EPB41L3: variants seen among roughly 807,000 people sequenced by gnomAD.
The protein encoded by EPB41L3 is erythrocyte membrane protein band 4.1 like 3, also known as band 4.1-like protein 3.
Under a neutral mutation model 127.1 loss-of-function variants are expected in EPB41L3, and 57 were observed. The observed-to-expected ratio is 0.45, with a 90% confidence interval of 0.36 to 0.56. EPB41L3 has a LOEUF of 0.56. EPB41L3 is among the 20% of genes least tolerant of loss of function. EPB41L3 has a pLI of 0.00. For missense variants in EPB41L3, 1,273 were observed against 1,372.2 expected, an observed-to-expected ratio of 0.93 and a Z score of 1.14; for synonymous variants, 572 against 549.5, an observed-to-expected ratio of 1.04 and a Z score of -0.57.
At position 5,397,460 on chromosome 18, in the gene EPB41L3, C is replaced by G. The variant is rs181631569; in HGVS notation, c.2473-34G>C. On this transcript the variant is annotated intron_variant, in intron 17 of 22. Transcript: ENST00000341928. This position sits in a 1 kb window ranked among gnomAD's most constrained non-coding sequence, Gnocchi z 4.1. ...GAAGAGATTGTGGCATCAGTGTGAC[C>G]ATCCATAAACCAAAGGTCAGAAAAT... The G allele has an allele frequency of 2.1e-3, 3,270 of 1,562,444 alleles. 10 individuals are homozygous for G. The highest frequency in any genetic ancestry group is 3.4e-3 in the Middle Eastern group (17 of 5,032).
intron 1 of EPB41L3, among the ~76,000 whole-genome samples, chr18:5,501,323 T>C (rs1568436335): frequency 6.6e-6 from 1 of 151,988 alleles, no homozygotes; most frequent in Non-Finnish European, 1.5e-5. Flanking sequence ...CAGCTTCATT[T>C]AACCTAAATG....
chr18:5,466,074 C>G (rs763989804), intron 3 of EPB41L3, among the ~76,000 whole-genome samples: 9 of 152,048 alleles, frequency 5.9e-5, no homozygotes, highest in Non-Finnish European at 1.2e-4. Context: ...CCATTTCCCA[C>G]TGAATTATGT....
chr18:5,550,758 T>A (rs1186071141), intron 3 of EPB41L3, among the ~76,000 whole-genome samples: 1 of 152,224 alleles, frequency 6.6e-6, no homozygotes, highest in Non-Finnish European at 1.5e-5. Context: ...TTTGCCACTC[T>A]GGAACCAGGG....
rs548448511 is a variant in EPB41L3 at position 5,395,185 on chromosome 18, C to G, written c.3073-38G>C. On this transcript the variant is annotated intron_variant, in intron 20 of 22. Coordinates refer to ENST00000341928, the MANE Select transcript of EPB41L3 (RefSeq NM_012307.5). ...TAGAGAAGCTTTATGAATTTACTCA[C>G]TGGGAGAAACCATCATGGTTCAGTA... 4.0e-5 allele frequency: 62 copies of G among 1,561,142 alleles called. No homozygotes were observed. In the South Asian group the frequency reaches 6.1e-4, roughly 15 times the overall value.
intron 1 of EPB41L3, among the ~76,000 whole-genome samples, chr18:5,499,829 G>GTGTGTATATATATTTATATATATATATA (rs563662904): frequency 8.0e-6 from 1 of 124,618 alleles, no homozygotes; most frequent in Non-Finnish European, 1.7e-5. Flanking sequence ...CTATGTGTGT[G>GTGTGTATATATATTTATATATATATATA]TATATATATA....
At chr18:5,613,879 T>C (rs1024356786) in intron 2 of EPB41L3, among the ~76,000 whole-genome samples, 1 of 152,252 alleles carries the variant, frequency 6.6e-6, no homozygotes, top group Non-Finnish European at 1.5e-5. Flanking sequence ...ATTATTGTTA[T>C]TTTTAAGTGA....
Position 5,423,395 on chromosome 18 carries a change from G to C in EPB41L3, c.1322C>G (p.Ser441Cys). Residue 441 changes from serine to cysteine, a missense_variant, in exon 11 of 23, where the codon TCT (serine) becomes TGT (cysteine). Ser to Cys is a moderately radical substitution (Grantham distance 112). Coordinates refer to ENST00000341928, the MANE Select transcript of EPB41L3 (RefSeq NM_012307.5). ...ATGCCTACCTCCATCCAAGCTGCGA[G>C]ACATGGTATAACGTTTGCTGGATGA... ...ERSSSKRYTM[S>C]RSLDGEVGTG... The C allele has an allele frequency of 1.2e-6, 2 of 1,606,808 alleles. No individual in the cohort carries two copies. Among genetic ancestry groups the C allele is most frequent in the Non-Finnish European group, 1.7e-6 (2 of 1,174,544 alleles).
chr18:5,590,583 C>T (rs1370004590), intron 3 of EPB41L3, among the ~76,000 whole-genome samples: 2 of 151,980 alleles, frequency 1.3e-5, no homozygotes, highest in Non-Finnish European at 2.9e-5. Flanking sequence ...CACACACACA[C>T]ACAAACACAC....
At chr18:5,593,188 C>T (rs938225075) in intron 3 of EPB41L3, among the ~76,000 whole-genome samples, 6 of 148,924 alleles carry the variant, frequency 4.0e-5, no homozygotes, top group Admixed American at 1.3e-4. Context: ...ATAATTCCCA[C>T]CCACCTCACC....
intron 3 of EPB41L3, among the ~76,000 whole-genome samples, chr18:5,461,620 C>A (rs1273857674): frequency 6.6e-6 from 1 of 152,126 alleles, no homozygotes; most frequent in Admixed American, 6.5e-5. Context: ...GTAGACTTAT[C>A]CTTGACCTAG....
intron 16 of EPB41L3, among the ~76,000 whole-genome samples, chr18:5,401,649 A>AT (rs2074515678): frequency 6.6e-6 from 1 of 152,158 alleles, no homozygotes. Flanking sequence ...ATGGTTAATA[A>AT]TTTTTTAAAG....
At chr18:5,398,863 C>A (rs1230706303) in intron 16 of EPB41L3, 1 of 399,348 alleles carries the variant, frequency 2.5e-6, no homozygotes, top group Middle Eastern at 6.3e-4. Flanking sequence ...AGCTGTGGAG[C>A]CTTCTTGAGG....
At chr18:5,518,426 T>A in intron 1 of EPB41L3, 1 of 152,988 alleles carries the variant, frequency 6.5e-6, no homozygotes, top group Non-Finnish European at 1.5e-5. Context: ...TAAAATCCTC[T>A]CACCCTTCCT....
intron 2 of EPB41L3, among the ~76,000 whole-genome samples, chr18:5,480,353 T>C (rs2088191686): frequency 6.6e-6 from 1 of 152,178 alleles, no homozygotes; most frequent in Non-Finnish European, 1.5e-5. Context: ...ATATGATGCG[T>C]TCTAATTTTA....
chr18:5,624,042 C>A (rs2094895634), intron 1 of EPB41L3, among the ~76,000 whole-genome samples: 3 of 152,080 alleles, frequency 2.0e-5, no homozygotes, highest in Admixed American at 2.0e-4. Context: ...GCTCTGTCAC[C>A]CAGGCTGGAG....
chr18:5,446,964 C>T lies in EPB41L3; in HGVS notation c.382-1720G>A, dbSNP rs139407843. Among the ~76,000 whole-genome samples the T allele has an allele frequency of 3.5e-3, 532 of 152,214 alleles. 4 individuals are homozygous for T. The highest frequency in any genetic ancestry group is 0.012 in the African/African-American group (482 of 41,520). On this transcript the variant is annotated intron_variant, in intron 3 of 22. Transcript: ENST00000341928. ...CATATTATTTCTGAATAAGCCTTCA[C>T]AAATTATGAAGTTTTCACAAAAATT...
chr18:5,586,710 G>A (rs1015828264), intron 3 of EPB41L3, among the ~76,000 whole-genome samples: 11 of 151,808 alleles, frequency 7.2e-5, no homozygotes, highest in Admixed American at 1.3e-4. Flanking sequence ...CTTATATTGT[G>A]ATTTTCTGTG....
rs1192127625 is a variant in EPB41L3 at position 5,416,183 on chromosome 18, C to A, written c.1702G>T (p.Asp568Tyr). 2 of 1,613,976 alleles carry A rather than the reference C, an allele frequency of 1.2e-6. No individual in the cohort carries two copies. Among genetic ancestry groups the A allele is most frequent in the African/African-American group, 1.3e-5 (1 of 74,918 alleles). Residue 568 changes from aspartate (D) to tyrosine (Y), a missense_variant, in exon 13 of 23, where the codon GAT (aspartate) becomes TAT (tyrosine). Physicochemically the swap from Asp to Tyr is radical, Grantham distance 160. This residue lies in a region of EPB41L3 where 765 missense variants were observed against 782.9 expected (regional missense o/e 0.98). Coordinates refer to ENST00000341928, the MANE Select transcript of EPB41L3 (RefSeq NM_012307.5). ...SDGPGRPYLG[D>Y]QDVAFSYRQQ... ...CTGTAGCTAAAAGCCACATCTTGAT[C>A]CCCTAGGTAAGGCCTCCCTGGGCCA...
intron 3 of EPB41L3, among the ~76,000 whole-genome samples, chr18:5,446,868 T>C (rs904057425): frequency 2.0e-4 from 31 of 152,238 alleles, no homozygotes; most frequent in African/African-American, 7.5e-4. Context: ...ATGAAGCGCC[T>C]GCTTGCTGGT....
Sources: allele counts gnomAD v4.1 joint callset (sites outside exome capture counted in the v4.1 genomes callset), GRCh38; gene constraint gnomAD v4.1.1; regional missense constraint gnomAD v4.1.1; non-coding constraint Gnocchi (gnomAD v3.1); transcripts MANE v1.5; gene names NCBI Gene and HGNC (gene_info 2026-07-23, HGNC 2026-07-21).